The following CPXM2 variants were observed in gnomAD, a reference collection of about 807,000 sequenced individuals.
CPXM2 encodes inactive carboxypeptidase-like protein X2.
Under a neutral mutation model 86.1 loss-of-function variants are expected in CPXM2, and 66 were observed. The observed-to-expected ratio is 0.77, with a 90% CI of 0.63 to 0.94. The LOEUF (loss-of-function observed/expected upper bound fraction) is 0.94. CPXM2 is among the 40% of genes least tolerant of loss of function. The probability of loss-of-function intolerance (pLI) is 0.00; values close to 1 mark genes in which losing one functional copy is unlikely to be tolerated. For synonymous variants in CPXM2, 388 were observed against 400.2 expected, an observed-to-expected ratio of 0.97 and a Z score of 0.36; for missense variants, 948 against 1,026.3, an observed-to-expected ratio of 0.92 and a Z score of 1.04.
intron 3 of CPXM2, among the ~76,000 whole-genome samples, chr10:123,855,219 A>T (rs1343303335): frequency 6.6e-6 from 1 of 152,162 alleles, no homozygotes; most frequent in Non-Finnish European, 1.5e-5. Context: ...GTAGAACAAA[A>T]TCCCTTTATC....
Position 123,768,600 on chromosome 10 carries a change from G to A in CPXM2, c.1225C>T (p.His409Tyr), listed in dbSNP as rs1259673040. The A allele has an allele frequency of 1.9e-6, 3 of 1,613,900 alleles. No homozygotes were observed. In the East Asian group the frequency reaches 6.7e-5, roughly 36 times the overall value. Residue 409 changes from histidine to tyrosine, a missense_variant, in exon 9 of 14, where the codon CAC becomes TAC. Coordinates refer to ENST00000241305, the MANE Select transcript of CPXM2 (RefSeq NM_198148.3). ...EYLARNARIV[H>Y]LVEETRIHVL... ...TGAATCCGCGTCTCCTCCACCAGGT[G>A]GACGATGCGCGCATTCCGGGCCAAG...
chr10:123,823,884 T>A (rs770015236), intron 4 of CPXM2, among the ~76,000 whole-genome samples: 2 of 152,172 alleles, frequency 1.3e-5, no homozygotes, highest in Non-Finnish European at 2.9e-5. Context: ...AGACCAGAAT[T>A]GAAACTGAGA....
At chr10:123,756,265 G>A (rs1846207987) in intron 12 of CPXM2, among the ~76,000 whole-genome samples, 1 of 152,208 alleles carries the variant, frequency 6.6e-6, no homozygotes, top group African/African-American at 2.4e-5. Context: ...GAGCCCTGAG[G>A]CTTGACACTT....
At chr10:123,924,463 G>A (rs186935748) in intron 2 of CPXM2, among the ~76,000 whole-genome samples, 45 of 152,224 alleles carry the variant, frequency 3.0e-4, no homozygotes, top group East Asian at 7.7e-4. Context: ...TAAAGTCTAT[G>A]GTAAAGGACA....
In CPXM2 at chr10:123,794,840, G is replaced by A. The variant is rs142051454; in HGVS notation, c.889+3136C>T. ...GACTGGAGTGCAGTGGTGCGATCTC[G>A]GCTCACTGCGACCTCACCTCCTGGG... On this transcript the variant is annotated intron_variant, in intron 6 of 13. Transcript: ENST00000241305. 4.9e-3 allele frequency among the ~76,000 whole-genome samples: 744 copies of A among 151,530 alleles called. 9 individuals carry two copies. The highest frequency in any genetic ancestry group is 0.017 in the African/African-American group (700 of 41,262).
At chr10:123,869,690 G>A (rs973279197) in intron 2 of CPXM2, among the ~76,000 whole-genome samples, 1 of 152,138 alleles carries the variant, frequency 6.6e-6, no homozygotes, top group African/African-American at 2.4e-5. Flanking sequence ...CGCACGTACT[G>A]CCTTAGCTCT....
chr10:123,892,801 T>C (rs777164306), upstream of CPXM2, among the ~76,000 whole-genome samples: 1 of 152,172 alleles, frequency 6.6e-6, no homozygotes, highest in Non-Finnish European at 1.5e-5. Context: ...TGACGTGCAG[T>C]TCACTCGCTG....
At chr10:123,810,673 T>G (rs1287685994) in intron 4 of CPXM2, among the ~76,000 whole-genome samples, 3 of 152,128 alleles carry the variant, frequency 2.0e-5, no homozygotes, top group African/African-American at 7.2e-5. Flanking sequence ...AAATTTTTAT[T>G]GAATAACATT....
intron 3 of CPXM2, among the ~76,000 whole-genome samples, chr10:123,842,800 C>T (rs1019784447): frequency 3.3e-5 from 5 of 152,222 alleles, no homozygotes; most frequent in South Asian, 2.1e-4. Flanking sequence ...CAGCAGCCCA[C>T]GCACACCAGG....
intron 2 of CPXM2, among the ~76,000 whole-genome samples, chr10:123,869,256 G>A (rs1944852609): frequency 6.6e-6 from 1 of 152,228 alleles, no homozygotes; most frequent in Non-Finnish European, 1.5e-5. Context: ...TTCCCAGCCA[G>A]GCTGCAGGAA....
At chr10:123,774,753 T>G (rs1278483824) in intron 7 of CPXM2, among the ~76,000 whole-genome samples, 1 of 152,148 alleles carries the variant, frequency 6.6e-6, no homozygotes, top group African/African-American at 2.4e-5. Context: ...CAAGGACTCT[T>G]ATTCCCAAGA....
intron 4 of CPXM2, among the ~76,000 whole-genome samples, chr10:123,837,021 C>T (rs182884905): frequency 3.3e-5 from 5 of 152,376 alleles, no homozygotes; most frequent in South Asian, 2.1e-4. Flanking sequence ...TTCCGCCCAG[C>T]GGAGAAACAG....
chr10:123,918,331 G>C (rs1945551302), intron 2 of CPXM2, among the ~76,000 whole-genome samples: 1 of 152,072 alleles, frequency 6.6e-6, no homozygotes, highest in Non-Finnish European at 1.5e-5. Flanking sequence ...TTTCGATTCT[G>C]GCTAGGAGGT....
intron 2 of CPXM2, among the ~76,000 whole-genome samples, chr10:123,917,097 G>A (rs771428183): frequency 1.9e-4 from 29 of 152,178 alleles, no homozygotes; most frequent in Non-Finnish European, 2.8e-4. Context: ...GAGATTGGAT[G>A]GAGGCATAGA....
At chr10:123,893,535 G>A (rs1213432916), upstream of CPXM2, among the ~76,000 whole-genome samples, 2 of 152,186 alleles carry the variant, frequency 1.3e-5, no homozygotes. Flanking sequence ...GGGACCAGGA[G>A]GCCTTGGTCC....
intron 4 of CPXM2, among the ~76,000 whole-genome samples, chr10:123,804,688 C>T (rs985846114): frequency 6.7e-6 from 1 of 150,022 alleles, no homozygotes; most frequent in African/African-American, 2.5e-5. Flanking sequence ...ATTTCTTCTT[C>T]TTGTCTTATT....
intron 2 of CPXM2, among the ~76,000 whole-genome samples, chr10:123,920,981 T>C (rs1945574677): frequency 6.6e-6 from 1 of 152,118 alleles, no homozygotes; most frequent in South Asian, 2.1e-4. Flanking sequence ...CAGAAATAAT[T>C]TTTTTCCTTG....
chr10:123,902,838 CTGT>C (rs1338505851), intron 2 of CPXM2, among the ~76,000 whole-genome samples: 1 of 152,178 alleles, frequency 6.6e-6, no homozygotes, highest in Non-Finnish European at 1.5e-5. Context: ...AGGCTCGCGG[CTGT>C]TGTCATTCTT....
At chr10:123,816,394 T>C (rs1211940995) in intron 4 of CPXM2, among the ~76,000 whole-genome samples, 1 of 152,294 alleles carries the variant, frequency 6.6e-6, no homozygotes, top group Non-Finnish European at 1.5e-5. Flanking sequence ...TGCCTCTACC[T>C]AGAAAAATAA....
Sources: allele counts gnomAD v4.1 joint callset (sites outside exome capture counted in the v4.1 genomes callset), GRCh38; gene constraint gnomAD v4.1.1; transcripts MANE v1.5; gene names NCBI Gene and HGNC (gene_info 2026-07-23, HGNC 2026-07-21).